Variants in TOGARAM1 observed in about 807,000 individuals in gnomAD.
The protein encoded by TOGARAM1 is TOG array regulator of axonemal microtubules 1, also known as TOG array regulator of axonemal microtubules protein 1.
Under a neutral mutation model 166.6 loss-of-function variants are expected in TOGARAM1, and 100 were observed. That is an observed-to-expected ratio of 0.60 (90% confidence interval 0.51 to 0.71). TOGARAM1 has a LOEUF of 0.71. Among genes scored for constraint, TOGARAM1 ranks in the 30% least tolerant of loss-of-function variants. The probability of loss-of-function intolerance (pLI) is 0.00; values close to 1 mark genes in which losing one functional copy is unlikely to be tolerated. For synonymous variants in TOGARAM1, 758 were observed against 763.8 expected (o/e 0.99, Z 0.13); for missense variants, 2,029 against 2,102.7 (o/e 0.96, Z 0.69).
At chr14:45,034,067 G>A (rs1881305340) in intron 11 of TOGARAM1, among the ~76,000 whole-genome samples, 1 of 152,144 alleles carries the variant, frequency 6.6e-6, no homozygotes, top group Admixed American at 6.5e-5. Context: ...TGAGGCACAA[G>A]AATCGCTTGA....
chr14:45,065,737 G>C (rs2139001443), intron 16 of TOGARAM1, among the ~76,000 whole-genome samples: 1 of 152,256 alleles, frequency 6.6e-6, no homozygotes, highest in South Asian at 2.1e-4. Context: ...ATTGCCCATT[G>C]GTTGACATCT....
rs527380623 is a variant in TOGARAM1 at position 45,009,701 on chromosome 14, A to G, written c.3137+556A>G. Among the ~76,000 whole-genome samples the G allele has an allele frequency of 2.0e-5, 3 of 152,246 alleles. No individual in the cohort carries two copies. In the South Asian group the frequency reaches 6.2e-4, roughly 32 times the overall value. On this transcript the variant is annotated intron_variant, in intron 6 of 19. Coordinates refer to ENST00000361462, the MANE Select transcript of TOGARAM1 (RefSeq NM_001308120.2). ...GGCCACCCCACATCAATAGAAAATTATTTTTCAGCATAGCAGTTGGACTAA... is the reference window on the plus strand; with the variant it reads ...GGCCACCCCACATCAATAGAAAATTGTTTTTCAGCATAGCAGTTGGACTAA...
At chr14:44,984,079 A>T (rs1380783468) in intron 1 of TOGARAM1, among the ~76,000 whole-genome samples, 1 of 152,176 alleles carries the variant, frequency 6.6e-6, no homozygotes, top group Non-Finnish European at 1.5e-5. Context: ...GTGGAAATTG[A>T]ATTTAAGAAA....
chr14:44,991,580 T>C (rs1887138876), intron 1 of TOGARAM1, among the ~76,000 whole-genome samples: 1 of 152,176 alleles, frequency 6.6e-6, no homozygotes, highest in African/African-American at 2.4e-5. Context: ...GTAACAATGT[T>C]CACTGCAAGA....
intron 10 of TOGARAM1, among the ~76,000 whole-genome samples, chr14:45,029,970 C>T (rs1319590247): frequency 6.6e-6 from 1 of 152,050 alleles, no homozygotes; most frequent in Non-Finnish European, 1.5e-5. Context: ...TACAGGTGTG[C>T]ACCACCATGT....
chr14:45,031,361 T>C (rs180907102), intron 10 of TOGARAM1, among the ~76,000 whole-genome samples: 25 of 152,330 alleles, frequency 1.6e-4, no homozygotes, highest in Admixed American at 1.3e-3. Context: ...TGATTTGTTT[T>C]CTCAGCTTAT....
intron 1 of TOGARAM1, among the ~76,000 whole-genome samples, chr14:44,988,885 C>T (rs888282759): frequency 1.3e-5 from 2 of 152,208 alleles, no homozygotes; most frequent in African/African-American, 2.4e-5. Flanking sequence ...ACAGTAACCA[C>T]GTGAGTGAAC....
chr14:45,000,281 G>A (rs1045238621), intron 3 of TOGARAM1, among the ~76,000 whole-genome samples: 1 of 152,154 alleles, frequency 6.6e-6, no homozygotes, highest in African/African-American at 2.4e-5. Flanking sequence ...TTATAGGCAT[G>A]AGCCACTGTG....
intron 1 of TOGARAM1, among the ~76,000 whole-genome samples, chr14:44,993,163 C>T (rs534975288): frequency 5.3e-5 from 8 of 151,624 alleles, no homozygotes; most frequent in Admixed American, 3.9e-4. Context: ...TGGCACATGC[C>T]TATAGTCCCA....
chr14:44,984,944 A>C (rs1033663357), intron 1 of TOGARAM1, among the ~76,000 whole-genome samples: 3 of 152,152 alleles, frequency 2.0e-5, no homozygotes, highest in African/African-American at 7.2e-5. Flanking sequence ...ATTAAATACA[A>C]CTTTACCCAA....
chr14:45,059,062 CTTTG>C (rs995375307), intron 16 of TOGARAM1, among the ~76,000 whole-genome samples: 1 of 152,054 alleles, frequency 6.6e-6, no homozygotes, highest in African/African-American at 2.4e-5. Context: ...ACTATGACCT[CTTTG>C]TTCTGTTTTT....
intron 1 of TOGARAM1, among the ~76,000 whole-genome samples, chr14:44,980,283 A>G (rs1338324049): frequency 2.6e-5 from 4 of 151,810 alleles, no homozygotes; most frequent in Non-Finnish European, 5.9e-5. Context: ...AAATTTCCAG[A>G]AAAAAAATCA....
At chr14:45,009,255 ATG>A (rs1200699046) in intron 6 of TOGARAM1, 110 bp downstream of exon 6, 2 of 799,720 alleles carry the variant, frequency 2.5e-6, no homozygotes, top group East Asian at 2.7e-5. Flanking sequence ...AGTTTTTAAA[ATG>A]TTAAAATATA....
intron 1 of TOGARAM1, among the ~76,000 whole-genome samples, chr14:44,988,614 G>A (rs1886978285): frequency 6.6e-6 from 1 of 152,208 alleles, no homozygotes; most frequent in Non-Finnish European, 1.5e-5. Flanking sequence ...TTTCAAATAT[G>A]TTTTCATAAA....
At chr14:44,997,889 C>T (rs1887507787) in intron 2 of TOGARAM1, among the ~76,000 whole-genome samples, 1 of 151,998 alleles carries the variant, frequency 6.6e-6, no homozygotes, top group Non-Finnish European at 1.5e-5. Context: ...ATATAGCACC[C>T]AGGTAATAAG....
In TOGARAM1 at chr14:45,045,607, GTGTGTGTGTGTA is replaced by G. The variant is rs1386217704; in HGVS notation, c.4154+739_4154+750del. On this transcript the variant is annotated intron_variant, in intron 13 of 19. Transcript: ENST00000361462. The stretch of plus-strand genomic sequence containing the variant: ...TATGTGTGTGTGTGTGTGTGTGTGT[GTGTGTGTGTGTA>G]TATATATGTATATATATACATATAT... Among the ~76,000 whole-genome samples the G allele has an allele frequency of 6.6e-3, 565 of 85,594 alleles. 13 individuals carry two copies. Among genetic ancestry groups the G allele is most frequent in the African/African-American group, 8.2e-3 (158 of 19,326 alleles). 56.2% of individuals were successfully genotyped at this position (85,594 alleles called of 152,430 possible).
intron 18 of TOGARAM1, among the ~76,000 whole-genome samples, chr14:45,070,737 C>T (rs974971922): frequency 2.0e-5 from 3 of 152,022 alleles, no homozygotes; most frequent in African/African-American, 7.2e-5. Context: ...AGGTTGGCTC[C>T]CCTAACCCCT....
chr14:45,005,853 C>T (rs1481886761), intron 4 of TOGARAM1, among the ~76,000 whole-genome samples, 155 bp from the exon 5 acceptor site: 2 of 152,062 alleles, frequency 1.3e-5, no homozygotes, highest in Admixed American at 6.6e-5. Context: ...AATATTGTAT[C>T]GAAAGCCGAG....
In TOGARAM1 at chr14:45,054,598, G is replaced by A. The variant is rs757291721; in HGVS notation, c.4559+49G>A. On this transcript the variant is annotated intron_variant, in intron 16 of 19. Transcript: ENST00000361462. ...TCAGAGAAATTACTCCCTTGTGATAGTAGTCTCATTTGGATGTTTTCATAA... is the reference window on the plus strand; with the variant it reads ...TCAGAGAAATTACTCCCTTGTGATAATAGTCTCATTTGGATGTTTTCATAA... 4 of 1,310,774 alleles carry A rather than the reference G, an allele frequency of 3.1e-6. No individual in the cohort carries two copies. The South Asian group carries it at 5.3e-5, about 18-fold the overall frequency. 81.2% of individuals were successfully genotyped at this position (1,310,774 alleles called of 1,614,324 possible).
Sources: allele counts gnomAD v4.1 joint callset (sites outside exome capture counted in the v4.1 genomes callset), GRCh38; gene constraint gnomAD v4.1.1; transcripts MANE v1.5; gene names NCBI Gene and HGNC (gene_info 2026-07-23, HGNC 2026-07-21).